SNX24: variants seen among roughly 807,000 people sequenced by gnomAD.
SNX24 encodes sorting nexin-24.
SNX24 carries 22 observed loss-of-function variants against 28.7 expected under a neutral mutation model. The ratio of observed to expected loss-of-function variants is 0.77; its 90% CI spans 0.55 to 1.10. The LOEUF (loss-of-function observed/expected upper bound fraction) is 1.10. Ranked by LOEUF, SNX24 falls within the 50% of genes least tolerant of loss-of-function variation. The probability of loss-of-function intolerance (pLI) is 0.00; values close to 1 mark genes in which losing one functional copy is unlikely to be tolerated. For synonymous variants in SNX24, 69 were observed against 71.5 expected (o/e 0.96, Z 0.18); for missense variants, 221 against 201.1 (o/e 1.10, Z -0.60).
intron 5 of SNX24, among the ~76,000 whole-genome samples, chr5:123,016,434 G>C (rs1044486516): frequency 1.3e-5 from 2 of 152,184 alleles, no homozygotes; most frequent in Non-Finnish European, 2.9e-5. Context: ...AGTGAGCCTG[G>C]AGGATAATGA....
At chr5:122,869,012 C>T (rs898547600) in intron 1 of SNX24, among the ~76,000 whole-genome samples, 4 of 152,162 alleles carry the variant, frequency 2.6e-5, no homozygotes, top group Non-Finnish European at 5.9e-5. Context: ...ATTTTATTAT[C>T]TGATATTTAT....
intron 3 of SNX24, among the ~76,000 whole-genome samples, chr5:122,970,570 G>A (rs1250135806): frequency 2.6e-5 from 4 of 152,236 alleles, no homozygotes; most frequent in African/African-American, 7.2e-5. Context: ...CAGGGTTCAC[G>A]CCATTCTCCT....
intron 1 of SNX24, among the ~76,000 whole-genome samples, chr5:122,898,777 A>G (rs2150077286): frequency 6.6e-6 from 1 of 152,356 alleles, no homozygotes; most frequent in Non-Finnish European, 1.5e-5. Context: ...TGAAGGCATG[A>G]GCATTAATAT....
chr5:123,002,226 A>G (rs956969338), intron 6 of SNX24: 13 of 565,048 alleles, frequency 2.3e-5, no homozygotes, highest in African/African-American at 2.3e-4. Context: ...ACTATTTTGA[A>G]TTAGAGTAAT....
rs34174497 is a variant in SNX24, at chr5:122,964,247, C to CAAAA, written c.249+18110_249+18113dup. Among the ~76,000 whole-genome samples the CAAAA allele has an allele frequency of 1.4e-3, 52 of 36,554 alleles. 1 individual carries two copies. Among genetic ancestry groups the CAAAA allele is most frequent in the Non-Finnish European group, 2.1e-3 (41 of 19,174 alleles). 24.0% of individuals were successfully genotyped at this position (36,554 alleles called of 152,430 possible). A position where few individuals can be genotyped will look rare whatever the true frequency, so the allele number is the denominator to read the frequency against. On this transcript the variant is annotated intron_variant, in intron 3 of 6. Transcript: ENST00000261369. ...GGGCGACAAGAACAAGACTCCATCT[C>CAAAA]AAAAAAAAAAAAAAAAAAAAAAAAA...
intron 3 of SNX24, among the ~76,000 whole-genome samples, chr5:122,991,314 T>C (rs778076559): frequency 1.3e-5 from 2 of 152,188 alleles, no homozygotes; most frequent in Non-Finnish European, 2.9e-5. Context: ...AATACACAGG[T>C]AATTTAAGTG....
At chr5:122,940,169 T>A (rs777257084) in intron 2 of SNX24, among the ~76,000 whole-genome samples, 18 of 152,046 alleles carry the variant, frequency 1.2e-4, no homozygotes, top group Admixed American at 2.0e-4. Context: ...AATTTTTGTA[T>A]TTTTAGTAGA....
chr5:123,029,238 A>T, exon 6 of SNX24: 1 of 1,613,104 alleles, frequency 6.2e-7, no homozygotes, highest in Non-Finnish European at 8.5e-7. Context: ...ATTTTCTCAG[A>T]TGACATCTTT....
At chr5:123,006,277 C>G (rs1762418656) in intron 6 of SNX24, among the ~76,000 whole-genome samples, 1 of 152,162 alleles carries the variant, frequency 6.6e-6, no homozygotes, top group African/African-American at 2.4e-5. Flanking sequence ...TCTTCTGGGT[C>G]TTCTCCCACC....
chr5:122,954,842 C>T (rs570156021), intron 3 of SNX24, among the ~76,000 whole-genome samples: 2 of 152,010 alleles, frequency 1.3e-5, no homozygotes, highest in East Asian at 3.9e-4. Flanking sequence ...TTTGATGTGT[C>T]TTGGTGTGTA....
chr5:122,918,256 G>GA (rs1016266210), intron 1 of SNX24, among the ~76,000 whole-genome samples: 1 of 152,122 alleles, frequency 6.6e-6, no homozygotes, highest in African/African-American at 2.4e-5. Context: ...TGGTGGTGGG[G>GA]TGCACAGTTC....
At chr5:122,950,150 A>T (rs997683735) in intron 3 of SNX24, among the ~76,000 whole-genome samples, 1 of 152,224 alleles carries the variant, frequency 6.6e-6, no homozygotes, top group African/African-American at 2.4e-5. Context: ...GAAGAAAATC[A>T]GTTGGTTTTC....
chr5:122,962,616 G>A (rs1266952759), intron 3 of SNX24, among the ~76,000 whole-genome samples: 1 of 152,184 alleles, frequency 6.6e-6, no homozygotes, highest in Non-Finnish European at 1.5e-5. Context: ...CCAAGCTATG[G>A]GTAATGATCC....
At chr5:122,911,044 A>G (rs1310458390) in intron 1 of SNX24, among the ~76,000 whole-genome samples, 2 of 152,218 alleles carry the variant, frequency 1.3e-5, no homozygotes, top group African/African-American at 4.8e-5. Flanking sequence ...GAATCGCCAC[A>G]GTGACTTCCA....
exon 6 of SNX24, chr5:123,029,269 A>C (rs1762909524): frequency 6.2e-7 from 1 of 1,613,902 alleles, no homozygotes; most frequent in Non-Finnish European, 8.5e-7. Flanking sequence ...TCAAAGAAAG[A>C]AGACCCAATT....
At chr5:122,949,337 C>A (rs1417420941) in intron 3 of SNX24, among the ~76,000 whole-genome samples, 1 of 152,024 alleles carries the variant, frequency 6.6e-6, no homozygotes, top group East Asian at 1.9e-4. Context: ...TACATATTTT[C>A]TTTTATGTTT....
In SNX24 at chr5:122,951,943, C is replaced by T. The variant is rs187134984; in HGVS notation, c.249+5784C>T. On this transcript the variant is annotated intron_variant, in intron 3 of 6. Coordinates refer to ENST00000261369, the MANE Select transcript of SNX24 (RefSeq NM_014035.4). ...GGGCACAGGTTGAGTGTTCCTCATCCGGAATGCCCCGAAATTTGAAACCTT... is the reference window on the plus strand; with the variant it reads ...GGGCACAGGTTGAGTGTTCCTCATCTGGAATGCCCCGAAATTTGAAACCTT... Among the ~76,000 whole-genome samples, 39 of 152,300 alleles carry T rather than the reference C, an allele frequency of 2.6e-4. No individual in the cohort carries two copies. The East Asian group carries it at 5.2e-3, about 20-fold the overall frequency.
intron 1 of SNX24, among the ~76,000 whole-genome samples, chr5:122,918,988 C>T (rs1322077774): frequency 6.6e-6 from 1 of 152,150 alleles, no homozygotes; most frequent in East Asian, 1.9e-4. Flanking sequence ...AGTGCAATTA[C>T]AACTTTTTGT....
At chr5:122,977,135 T>C (rs1168888028) in intron 3 of SNX24, among the ~76,000 whole-genome samples, 7 of 152,246 alleles carry the variant, frequency 4.6e-5, no homozygotes, top group Non-Finnish European at 7.3e-5. Flanking sequence ...TGTTTTCCTT[T>C]GAAGTGAAGA....
Sources: gnomAD v4.1 joint callset for allele counts (sites outside exome capture counted in the v4.1 genomes callset) on GRCh38, gnomAD v4.1.1 for gene constraint, MANE v1.5 for transcripts, NCBI Gene and HGNC (gene_info 2026-07-23, HGNC 2026-07-21) for gene names.